Variants in GYS1 observed in about 807,000 individuals in gnomAD.
The protein encoded by GYS1 is glycogen [starch] synthase, muscle.
Under a neutral mutation model 89.1 loss-of-function variants are expected in GYS1, and 60 were observed. The ratio of observed to expected loss-of-function variants is 0.67; its 90% confidence interval spans 0.55 to 0.84. GYS1 has a LOEUF of 0.84. Ranked by LOEUF, GYS1 falls within the 40% of genes least tolerant of loss-of-function variation. The pLI is 0.00. For synonymous variants in GYS1, 366 were observed against 401.7 expected (o/e 0.91, Z 1.06); for missense variants, 888 against 1,003.1 (o/e 0.89, Z 1.55).
chr19:48,969,922 G>C, intron 14 of GYS1, 67 bp from the exon 15 acceptor site: 1 of 1,087,670 alleles, frequency 9.2e-7, no homozygotes, highest in African/African-American at 1.5e-5. Context: ...CAGATGATGG[G>C]GGTCTTGGCC....
Position 48,985,810 on chromosome 19 carries a change from G to A in GYS1, c.678+40C>T, listed in dbSNP as rs774234100. The A allele has an allele frequency of 3.1e-6, 5 of 1,604,956 alleles. No individual in the cohort carries two copies. The South Asian group carries it at 5.5e-5, about 18-fold the overall frequency. On this transcript the variant is annotated intron_variant, in intron 4 of 15. Transcript: ENST00000323798. ...CCCCCCAGAGCTTTGGGTTTTCCTG[G>A]CATACTCGCAGTCCCCCATCTGCCA...
At chr19:48,981,329 C>G (rs1040164508) in intron 8 of GYS1, 2 of 577,978 alleles carry the variant, frequency 3.5e-6, no homozygotes, top group African/African-American at 1.9e-5. Flanking sequence ...AGATGACTTG[C>G]TTGAACCCAG....
intron 12 of GYS1, among the ~76,000 whole-genome samples, chr19:48,973,433 T>A (rs1218684121): frequency 6.6e-6 from 1 of 152,054 alleles, no homozygotes; most frequent in African/African-American, 2.4e-5. Context: ...GACTCCTAAT[T>A]ATCATGCAAG....
chr19:48,983,009 CAGGGTTT>C (rs1600144879), intron 5 of GYS1, among the ~76,000 whole-genome samples, 172 bp from the exon 6 acceptor site: 2 of 152,202 alleles, frequency 1.3e-5, no homozygotes, highest in East Asian at 3.9e-4. Flanking sequence ...TTTTTGGAGA[CAGGGTTT>C]CTCTCTGTCG....
At chr19:48,979,310 CTT>C (rs1474722387) in intron 8 of GYS1, among the ~76,000 whole-genome samples, 1 of 117,216 alleles carries the variant, frequency 8.5e-6, no homozygotes, top group Non-Finnish European at 1.9e-5. Flanking sequence ...ATTTTTCTTT[CTT>C]TGTCTCTTTT....
intron 10 of GYS1, among the ~76,000 whole-genome samples, chr19:48,976,491 A>T (rs1273563213): frequency 2.0e-5 from 3 of 152,048 alleles, no homozygotes; most frequent in Non-Finnish European, 4.4e-5. Flanking sequence ...GAAGTTAGGG[A>T]TCTAAAGCAG....
At chr19:48,982,193 G>A in intron 7 of GYS1, 62 bp downstream of exon 7, 1 of 1,564,458 alleles carries the variant, frequency 6.4e-7, no homozygotes, top group African/African-American at 1.4e-5. Flanking sequence ...GTGCCTGGCT[G>A]TTCTCCCTAG....
rs201248933 is a variant in GYS1, at chr19:48,985,975, C to T, written c.553G>A (p.Gly185Ser). The T allele has an allele frequency of 2.0e-4, 326 of 1,614,218 alleles. No homozygotes were observed. Among genetic ancestry groups the T allele is most frequent in the Admixed American group, 2.8e-4 (17 of 60,028 alleles). ...GCACGACACAGGCAGAGTCCAACGC[C>T]TGCCAACCACTCATGGAAGTGAGCA... ...VVAHFHEWLA[G>S]VGLCLCRARR... The change falls in exon 4 of 16, where the codon GGC (glycine) becomes AGC (serine). Residue 185 changes from glycine (G) to serine (S), a missense_variant. Transcript: ENST00000323798.
Position 48,970,449 on chromosome 19 carries a change from CT to C in GYS1, c.1809+96del, listed in dbSNP as rs775569633. 129 of 1,019,514 alleles carry C rather than the reference CT, an allele frequency of 1.3e-4. 1 individual carries two copies. The Admixed American group carries it at 2.3e-3, about 19-fold the overall frequency. The allele number at this position is 1,019,514 out of a possible 1,614,324, so 63.2% of individuals were successfully genotyped here. ...GGTTCATTGCTTAAAGGGACAGCAA[CT>C]GTTACAAGTAGGATGAGACCCTGCA... On this transcript the variant is annotated intron_variant, in intron 14 of 15. Transcript: ENST00000323798.
At chr19:48,989,301 G>A (rs530869164) in intron 2 of GYS1, among the ~76,000 whole-genome samples, 1 of 151,720 alleles carries the variant, frequency 6.6e-6, no homozygotes, top group South Asian at 2.1e-4. Context: ...GGGCAACATG[G>A]TGAAACCCTG....
intron 8 of GYS1, among the ~76,000 whole-genome samples, chr19:48,978,606 A>G (rs1228981031): frequency 1.3e-5 from 2 of 150,390 alleles, no homozygotes; most frequent in Admixed American, 6.7e-5. Context: ...ATCTTGGCTC[A>G]CTGCAACCTC....
chr19:48,980,634 C>T (rs1303166320), intron 8 of GYS1, among the ~76,000 whole-genome samples: 1 of 150,812 alleles, frequency 6.6e-6, no homozygotes, highest in Non-Finnish European at 1.5e-5. Flanking sequence ...TGCACTCCAG[C>T]CTGGGCAACA....
chr19:48,985,511 A>G lies in GYS1; in HGVS notation c.773T>C (p.Val258Ala). ...TGCCTCGATGGCGGTGATCTGGGAC[A>G]CAGTAGTGAAGACGTGAGCGCAGTG... ...AAHCAHVFTT[V>A]SQITAIEAQH... Residue 258 changes from valine (V) to alanine (A), a missense_variant, in exon 5 of 16, where the codon GTG (valine) becomes GCG (alanine). By Grantham distance (64) the Val-to-Ala change is moderately conservative. Coordinates refer to ENST00000323798, the MANE Select transcript of GYS1 (RefSeq NM_002103.5). The G allele has an allele frequency of 6.2e-7, 1 of 1,614,034 alleles. No homozygotes were observed. The highest frequency in any genetic ancestry group is 1.1e-5 in the South Asian group (1 of 91,074).
intron 8 of GYS1, among the ~76,000 whole-genome samples, chr19:48,979,638 C>T (rs1600140898): frequency 7.9e-6 from 1 of 126,272 alleles, no homozygotes; most frequent in African/African-American, 2.9e-5. Flanking sequence ...CGCCCAGCCT[C>T]TTTCTTTCTT....
chr19:48,986,699 A>T (rs1157733074), intron 3 of GYS1, among the ~76,000 whole-genome samples: 1 of 151,892 alleles, frequency 6.6e-6, no homozygotes, highest in Non-Finnish European at 1.5e-5. Flanking sequence ...TTTAGTAAAG[A>T]CGAGGTTTGG....
rs772773363 is a variant in GYS1, at chr19:48,970,361, C to G, written c.1809+185G>C. On this transcript the variant is annotated intron_variant, in intron 14 of 15. Transcript: ENST00000323798. ...CTCTTAACTCCTGAGCTCATGCGATCCTTCCTGTTAGGCCTCCCAAAGTGC... is the reference window on the plus strand; with the variant it reads ...CTCTTAACTCCTGAGCTCATGCGATGCTTCCTGTTAGGCCTCCCAAAGTGC... The G allele has an allele frequency of 6.6e-6, 4 of 609,630 alleles. No individual in the cohort carries two copies. In the Admixed American group the frequency reaches 1.1e-4, roughly 17 times the overall value. The allele number at this position is 609,630 out of a possible 1,614,324, so 37.8% of individuals were successfully genotyped here. A position where few individuals can be genotyped will look rare whatever the true frequency, so the allele number is the denominator to read the frequency against.
In GYS1 at chr19:48,993,152, G is replaced by C. The variant is rs750353417; in HGVS notation, c.-40C>G. On this transcript the variant is annotated 5_prime_UTR_variant, in exon 1 of 16. Coordinates refer to ENST00000323798, the MANE Select transcript of GYS1 (RefSeq NM_002103.5). Reference sequence around the variant, plus strand: ...GGGGGGCTCCGGGGATCTCCAGGTAGGGACCCCGGAGGTGTCTAGGGAATG... The same window carrying C: ...GGGGGGCTCCGGGGATCTCCAGGTACGGACCCCGGAGGTGTCTAGGGAATG... 1 of 1,161,094 alleles carries C rather than the reference G, an allele frequency of 8.6e-7. No homozygotes were observed. The highest frequency in any genetic ancestry group is 1.3e-6 in the Non-Finnish European group (1 of 767,518). 71.9% of individuals were successfully genotyped at this position (1,161,094 alleles called of 1,614,324 possible).
chr19:48,983,455 C>T (rs112260344), intron 5 of GYS1, among the ~76,000 whole-genome samples: 1 of 152,206 alleles, frequency 6.6e-6, no homozygotes, highest in Non-Finnish European at 1.5e-5. Context: ...TCTTTTGTTT[C>T]CTCTTAGCCC....
At chr19:48,987,127 C>T in intron 3 of GYS1, 67 bp downstream of exon 3, 1 of 1,164,990 alleles carries the variant, frequency 8.6e-7, no homozygotes, top group Non-Finnish European at 1.3e-6. Flanking sequence ...GAAGCCCATC[C>T]TCTGGCCCAG....
Sources: gnomAD v4.1 joint callset for allele counts (sites outside exome capture counted in the v4.1 genomes callset) on GRCh38, gnomAD v4.1.1 for gene constraint, MANE v1.5 for transcripts, NCBI Gene and HGNC (gene_info 2026-07-23, HGNC 2026-07-21) for gene names.